ZNF69: variants seen among roughly 807,000 people sequenced by gnomAD.
ZNF69 encodes zinc finger protein 69.
Under a neutral mutation model 50.9 loss-of-function variants are expected in ZNF69, and 47 were observed. That is an observed-to-expected ratio of 0.92 (90% CI 0.73 to 1.18). ZNF69 has a LOEUF of 1.18. Among genes scored for constraint, ZNF69 ranks in the 50% most tolerant of loss-of-function variants. ZNF69 has a pLI of 0.00. For synonymous variants in ZNF69, 216 were observed against 223.1 expected (o/e 0.97, Z 0.29); for missense variants, 717 against 675.1 (o/e 1.06, Z -0.69).
rs751548535 is a variant in ZNF69 at position 11,905,595 on chromosome 19, T to C, written c.1198T>C (p.Ser400Pro). 6.2e-7 allele frequency: 1 copy of C among 1,613,246 alleles called. No homozygotes were observed. Among genetic ancestry groups the C allele is most frequent in the East Asian group, 2.2e-5 (1 of 44,770 alleles). Residue 400 changes from serine to proline, a missense_variant, in exon 4 of 4, where the codon TCC (serine) becomes CCC (proline). Coordinates refer to ENST00000429654, the MANE Select transcript of ZNF69 (RefSeq NM_001364730.1). Reference sequence around the variant, plus strand: ...GCAATGTGGTAAAGCCTTCATTCATTCCAGTTCCCTTCGTTATCATGAAAG... The same window carrying C: ...GCAATGTGGTAAAGCCTTCATTCATCCCAGTTCCCTTCGTTATCATGAAAG... Reference protein sequence around the residue: ...CKQCGKAFIHSSSLRYHERIH... With the variant: ...CKQCGKAFIHPSSLRYHERIH...
intron 1 of ZNF69, among the ~76,000 whole-genome samples, chr19:11,893,295 A>T (rs558891273): frequency 4.1e-4 from 62 of 152,326 alleles, no homozygotes; most frequent in African/African-American, 1.3e-3. Context: ...CACTGCATAC[A>T]GTTCGGTCTC....
chr19:11,970,421 A>G, the ZNF69 span, among the ~76,000 whole-genome samples: 1 of 152,238 alleles, frequency 6.6e-6, no homozygotes, highest in Non-Finnish European at 1.5e-5. Flanking sequence ...CTTCTGTTAT[A>G]ACAACGTTAA....
At chr19:11,942,638 T>C in the ZNF69 span, among the ~76,000 whole-genome samples, 2 of 152,206 alleles carry the variant, frequency 1.3e-5, no homozygotes, top group Non-Finnish European at 2.9e-5. Context: ...TCGTGATCAA[T>C]TAAACAAGGA....
intron 1 of ZNF69, among the ~76,000 whole-genome samples, chr19:11,900,789 T>C (rs1024667216): frequency 6.6e-6 from 1 of 152,356 alleles, no homozygotes; most frequent in Middle Eastern, 3.4e-3. Context: ...TTTTCTTCTT[T>C]TAACAAAGTC....
the ZNF69 span, chr19:11,950,080 A>C: frequency 6.2e-7 from 1 of 1,614,118 alleles, no homozygotes; most frequent in African/African-American, 1.3e-5. Context: ...GAATGGATTC[A>C]CATCTGCCAA....
At chr19:11,925,048 C>G in the ZNF69 span, 1 of 682,848 alleles carries the variant, frequency 1.5e-6, no homozygotes, top group Non-Finnish European at 2.4e-6. Context: ...TTCATCCAAT[C>G]AGAGGTGCTG....
the ZNF69 span, among the ~76,000 whole-genome samples, chr19:11,955,292 G>A: frequency 1.3e-5 from 2 of 151,926 alleles, no homozygotes; most frequent in African/African-American, 2.4e-5. Flanking sequence ...GTGAGATACC[G>A]TGCCCAGCCT....
rs141986835 is a variant in ZNF69 at position 11,897,533 on chromosome 19, C to A, written c.64-6040C>A. Among the ~76,000 whole-genome samples the A allele has an allele frequency of 6.9e-3, 1,035 of 150,370 alleles. 15 individuals are homozygous for A. The highest frequency in any genetic ancestry group is 0.024 in the African/African-American group (967 of 40,758). ...GAGGCTGCAGTGAGCTATGATTGCA[C>A]CGCTACACTCCAGCCTGGGCAACAG... On this transcript the variant is annotated intron_variant, in intron 1 of 3. Transcript: ENST00000429654.
intron 1 of ZNF69, among the ~76,000 whole-genome samples, chr19:11,889,469 T>C (rs1977029102): frequency 6.6e-6 from 1 of 152,150 alleles, no homozygotes; most frequent in South Asian, 2.1e-4. Flanking sequence ...AGGTACTTTG[T>C]TTTTGTTTTT....
At chr19:11,942,653 G>A in the ZNF69 span, among the ~76,000 whole-genome samples, 1 of 152,220 alleles carries the variant, frequency 6.6e-6, no homozygotes, top group African/African-American at 2.4e-5. Context: ...CAAGGATGGA[G>A]TGTGTAATTG....
downstream of ZNF69, among the ~76,000 whole-genome samples, chr19:11,914,671 G>A (rs118063589): frequency 7.6e-3 from 1,152 of 152,206 alleles, 9 homozygotes; most frequent in Middle Eastern, 0.034. Context: ...TTATGCAACG[G>A]CTTAGAACAA....
the ZNF69 span, chr19:11,925,161 G>A: frequency 1.4e-3 from 2,260 of 1,605,700 alleles, 36 homozygotes; most frequent in African/African-American, 0.027. Flanking sequence ...ACCAGCCCGA[G>A]AGGGACCTGG....
At chr19:11,935,194 A>AT in the ZNF69 span, among the ~76,000 whole-genome samples, 1 of 143,788 alleles carries the variant, frequency 7.0e-6, no homozygotes, top group African/African-American at 2.6e-5. Context: ...AAAAAAAAAA[A>AT]TTACTGTCTT....
chr19:11,896,217 TA>T (rs138289885), intron 1 of ZNF69, among the ~76,000 whole-genome samples: 17,733 of 63,758 alleles, frequency 0.28, 1,692 homozygotes, highest in African/African-American at 0.36. Flanking sequence ...GAAACTCCAT[TA>T]AAAAAAAAAA....
the ZNF69 span, among the ~76,000 whole-genome samples, chr19:11,975,628 C>T: frequency 4.0e-5 from 6 of 151,556 alleles, no homozygotes; most frequent in South Asian, 4.2e-4. Context: ...GTGATCCGCC[C>T]GCCTCGGCCT....
chr19:11,892,075 T>C (rs889111296), intron 1 of ZNF69, among the ~76,000 whole-genome samples: 1 of 151,600 alleles, frequency 6.6e-6, no homozygotes, highest in African/African-American at 2.4e-5. Flanking sequence ...CCTCCCTGGC[T>C]CAAGCACCTC....
At chr19:11,891,341 C>T (rs752609267) in intron 1 of ZNF69, among the ~76,000 whole-genome samples, 10 of 148,918 alleles carry the variant, frequency 6.7e-5, no homozygotes, top group Non-Finnish European at 1.5e-4. Context: ...GTTCAAGACC[C>T]AGCTGGCCAA....
chr19:11,963,334 C>G, the ZNF69 span, among the ~76,000 whole-genome samples: 2 of 152,202 alleles, frequency 1.3e-5, no homozygotes, highest in Admixed American at 6.5e-5. Context: ...TCTTCAAGTG[C>G]TCCTCCCACT....
At chr19:11,900,410 T>C (rs1972218973) in intron 1 of ZNF69, among the ~76,000 whole-genome samples, 1 of 151,692 alleles carries the variant, frequency 6.6e-6, no homozygotes. Context: ...TGGAGGGCAG[T>C]GGCGTGATCT....
Sources: gnomAD v4.1 joint callset for allele counts (sites outside exome capture counted in the v4.1 genomes callset) on GRCh38, gnomAD v4.1.1 for gene constraint, MANE v1.5 for transcripts, NCBI Gene and HGNC (gene_info 2026-07-23, HGNC 2026-07-21) for gene names.